Variants in YPEL1 observed in about 807,000 individuals in gnomAD.
The protein encoded by YPEL1 is yippee like 1, also known as protein yippee-like 1.
Under a neutral mutation model 17.3 loss-of-function variants are expected in YPEL1, and 7 were observed. That is an observed-to-expected ratio of 0.40 (90% CI 0.23 to 0.76). The LOEUF (loss-of-function observed/expected upper bound fraction) is 0.76, where lower values mean the gene tolerates loss of function less well. Among genes scored for constraint, YPEL1 ranks in the 30% least tolerant of loss-of-function variants. YPEL1 has a pLI of 0.35. For synonymous variants in YPEL1, 59 were observed against 59.6 expected (o/e 0.99, Z 0.05); for missense variants, 91 against 155.5 (o/e 0.59, Z 2.21).
At chr22:21,733,375 C>T (rs1172539943) in intron 1 of YPEL1, among the ~76,000 whole-genome samples, 1 of 152,132 alleles carries the variant, frequency 6.6e-6, no homozygotes, top group Non-Finnish European at 1.5e-5. Flanking sequence ...GAGATCATGC[C>T]ACTGCACTCC....
chr22:21,734,748 A>C (rs1014926858), intron 1 of YPEL1, among the ~76,000 whole-genome samples: 1 of 152,204 alleles, frequency 6.6e-6, no homozygotes, highest in African/African-American at 2.4e-5. Flanking sequence ...AACATTTGTC[A>C]CATCTATAGC....
At position 21,710,512 on chromosome 22, in the gene YPEL1, G is replaced by A. The variant is rs541506159; in HGVS notation, c.117+116C>T. ...CAATGCTGCCTAGAAGGCTCTAGAC[G>A]TTCAGGACACAGCAGACTCAGGAAG... On this transcript the variant is annotated intron_variant, in intron 2 of 4. Transcript: ENST00000339468. 2.2e-4 allele frequency: 199 copies of A among 920,910 alleles called. 1 individual carries two copies. The South Asian group carries it at 2.3e-3, about 11-fold the overall frequency. The allele number at this position is 920,910 out of a possible 1,614,324, so 57.0% of individuals were successfully genotyped here.
In YPEL1 at chr22:21,700,484, T is replaced by TG. The variant is rs2068054680; in HGVS notation, c.*644_*645insC. ...GCGCCACCATACCCAGCTTTTTTTTTTTTTTTTGAGACGATGTCTCACTTT... is the reference window on the plus strand; with the variant it reads ...GCGCCACCATACCCAGCTTTTTTTTTGTTTTTTTGAGACGATGTCTCACTTT... On this transcript the variant is annotated 3_prime_UTR_variant, in exon 5 of 5. Transcript: ENST00000339468. 1 of 149,914 alleles carries TG rather than the reference T, an allele frequency of 6.7e-6. No homozygotes were observed. The highest frequency in any genetic ancestry group is 1.5e-5 in the Non-Finnish European group (1 of 67,304). 9.3% of individuals were successfully genotyped at this position (149,914 alleles called of 1,614,324 possible).
rs1486021953 is a variant in YPEL1, at chr22:21,699,564, A to T, written c.*1565T>A. ...AGGCCCCTCTATCAGTTCAAGTGACATGGGACAGCACCACGCAGGGACGGG... is the reference window on the plus strand; with the variant it reads ...AGGCCCCTCTATCAGTTCAAGTGACTTGGGACAGCACCACGCAGGGACGGG... On this transcript the variant is annotated 3_prime_UTR_variant, in exon 5 of 5. Coordinates refer to ENST00000339468, the MANE Select transcript of YPEL1 (RefSeq NM_013313.5). 1 of 152,594 alleles carries T rather than the reference A, an allele frequency of 6.6e-6. No individual in the cohort carries two copies. The highest frequency in any genetic ancestry group is 1.5e-5 in the Non-Finnish European group (1 of 68,058). 9.5% of individuals were successfully genotyped at this position (152,594 alleles called of 1,614,324 possible). A position where few individuals can be genotyped will look rare whatever the true frequency, so the allele number is the denominator to read the frequency against.
At chr22:21,727,447 C>A (rs1433328408) in intron 1 of YPEL1, among the ~76,000 whole-genome samples, 1 of 152,246 alleles carries the variant, frequency 6.6e-6, no homozygotes, top group African/African-American at 2.4e-5. Flanking sequence ...GGAAAATCAT[C>A]TCCACTCTCG....
At position 21,710,073 on chromosome 22, in the gene YPEL1, TGAG is replaced by T. The variant is rs1382778984; in HGVS notation, c.117+552_117+554del. ...GATGATCAACGCCACACACTGCTAA[TGAG>T]GAGCTCAGCACAGTAAGGAGGGGCC... is the stretch of plus-strand genomic sequence containing the variant. On this transcript the variant is annotated intron_variant, in intron 2 of 4. Transcript: ENST00000339468. Among the ~76,000 whole-genome samples, 3 of 152,204 alleles carry T rather than the reference TGAG, an allele frequency of 2.0e-5. No individual in the cohort carries two copies. In the East Asian group the frequency reaches 5.8e-4, roughly 29 times the overall value.
chr22:21,722,835 C>T (rs7290787), intron 1 of YPEL1: 7,573 of 152,058 alleles, frequency 0.05, 395 homozygotes, highest in African/African-American at 0.13. Flanking sequence ...AAGTGAGGAC[C>T]CTGGGCAGGA....
intron 1 of YPEL1, among the ~76,000 whole-genome samples, chr22:21,728,233 A>G (rs908420252): frequency 2.6e-5 from 4 of 151,888 alleles, no homozygotes; most frequent in Admixed American, 2.0e-4. Context: ...CCACTCGGCC[A>G]CCCCTTCCTT....
chr22:21,703,310 C>T lies in YPEL1; in HGVS notation c.270+60G>A, dbSNP rs2068083000. 6.8e-7 allele frequency: 1 copy of T among 1,472,010 alleles called. No homozygotes were observed. The highest frequency in any genetic ancestry group is 9.5e-7 in the Non-Finnish European group (1 of 1,056,162). The allele number at this position is 1,472,010 out of a possible 1,614,324, so 91.2% of individuals were successfully genotyped here. A position where few individuals can be genotyped will look rare whatever the true frequency, so the allele number is the denominator to read the frequency against. ...GGCCACACTGCACGGGGAGGTGTGG[C>T]TCAGTGGCAACTTAGTGCCACATCC... On this transcript the variant is annotated intron_variant, in intron 4 of 4. Coordinates refer to ENST00000339468, the MANE Select transcript of YPEL1 (RefSeq NM_013313.5). This position sits in a 1 kb window ranked among gnomAD's most constrained non-coding sequence, Gnocchi z 6.1.
Position 21,698,411 on chromosome 22 carries a change from T to C in YPEL1, c.*2718A>G, listed in dbSNP as rs942935236. On this transcript the variant is annotated 3_prime_UTR_variant, in exon 5 of 5. Transcript: ENST00000339468. Reference sequence around the variant, plus strand: ...AGAAAAGCTCTAAATAGAACTTTAGTATATACAAAAACCACTCGGTAGAGT... The same window carrying C: ...AGAAAAGCTCTAAATAGAACTTTAGCATATACAAAAACCACTCGGTAGAGT... The C allele has an allele frequency of 1.3e-5, 2 of 152,304 alleles. No individual in the cohort carries two copies. Among genetic ancestry groups the C allele is most frequent in the African/African-American group, 2.4e-5 (1 of 41,448 alleles). The allele number at this position is 152,304 out of a possible 1,614,324, so 9.4% of individuals were successfully genotyped here.
At chr22:21,702,360 G>A (rs1359597908) in intron 4 of YPEL1, among the ~76,000 whole-genome samples, 5 of 152,184 alleles carry the variant, frequency 3.3e-5, no homozygotes, top group Admixed American at 6.5e-5. Context: ...CTAGTCTTGT[G>A]GAGCCCGTTT....
At chr22:21,706,650 A>G (rs1050234183) in intron 2 of YPEL1, among the ~76,000 whole-genome samples, 2 of 152,080 alleles carry the variant, frequency 1.3e-5, no homozygotes, top group South Asian at 2.1e-4. Flanking sequence ...GTTCAAGACC[A>G]GGCTAGGCAA....
intron 1 of YPEL1, among the ~76,000 whole-genome samples, chr22:21,717,174 G>A (rs867092478): frequency 5.3e-5 from 8 of 152,036 alleles, no homozygotes; most frequent in African/African-American, 1.4e-4. Context: ...TCAGGAGTTC[G>A]AGACCAGCCT....
chr22:21,731,943 C>T (rs942778053), intron 1 of YPEL1, among the ~76,000 whole-genome samples: 10 of 152,156 alleles, frequency 6.6e-5, no homozygotes, highest in African/African-American at 9.7e-5. Context: ...TGTTACAGGA[C>T]GGCAGGGGCT....
At chr22:21,730,469 C>T (rs1434797469) in intron 1 of YPEL1, among the ~76,000 whole-genome samples, 1 of 152,162 alleles carries the variant, frequency 6.6e-6, no homozygotes, top group Non-Finnish European at 1.5e-5. Context: ...GTGATCCACC[C>T]GCCTTGGCCT....
chr22:21,728,051 A>G (rs2068352744), intron 1 of YPEL1, among the ~76,000 whole-genome samples: 1 of 152,110 alleles, frequency 6.6e-6, no homozygotes, highest in Non-Finnish European at 1.5e-5. Flanking sequence ...TGCCAGGGAG[A>G]GCGGGGAAGG....
At chr22:21,729,719 G>A (rs1259684112) in intron 1 of YPEL1, among the ~76,000 whole-genome samples, 1 of 152,200 alleles carries the variant, frequency 6.6e-6, no homozygotes, top group East Asian at 1.9e-4. Flanking sequence ...CCTGGATGGG[G>A]GTTCATCTGG....
At chr22:21,709,512 A>G (rs981000116) in intron 2 of YPEL1, among the ~76,000 whole-genome samples, 5 of 152,214 alleles carry the variant, frequency 3.3e-5, no homozygotes, top group Non-Finnish European at 7.3e-5. Flanking sequence ...GTGGTGACTC[A>G]CACCTATAAT....
rs1025850185 is a variant in YPEL1, at chr22:21,715,888, C to G, written c.-164-4980G>C. ...AAGTGATTCTCCTGTCTCAGCCTCA[C>G]GAGCACTGGGATTACAGGCATGCGC... On this transcript the variant is annotated intron_variant, in intron 1 of 4. Coordinates refer to ENST00000339468, the MANE Select transcript of YPEL1 (RefSeq NM_013313.5). Among the ~76,000 whole-genome samples the G allele has an allele frequency of 6.6e-5, 10 of 151,838 alleles. No individual in the cohort carries two copies. The South Asian group carries it at 2.1e-3, about 32-fold the overall frequency.
Sources: allele counts gnomAD v4.1 joint callset (sites outside exome capture counted in the v4.1 genomes callset), GRCh38; gene constraint gnomAD v4.1.1; non-coding constraint Gnocchi (gnomAD v3.1); transcripts MANE v1.5; gene names NCBI Gene and HGNC (gene_info 2026-07-23, HGNC 2026-07-21).